The following MIB1 variants were observed in gnomAD, a reference collection of about 807,000 sequenced individuals.
The protein encoded by MIB1 is MIB E3 ubiquitin protein ligase 1, also known as E3 ubiquitin-protein ligase MIB1.
MIB1 carries 278 observed loss-of-function variants against 124.5 expected under a neutral mutation model. The ratio of observed to expected loss-of-function variants is 2.23; its 90% confidence interval spans 2.02 to 2.47. The LOEUF is 2.47. Among genes scored for constraint, MIB1 ranks in the 30% most tolerant of loss-of-function variants. The pLI, the probability that MIB1 is intolerant of heterozygous loss-of-function variation, is 0.00. For missense variants in MIB1, 957 were observed against 1,254.4 expected, an observed-to-expected ratio of 0.76 and a Z score of 3.58; for synonymous variants, 446 against 429.4, an observed-to-expected ratio of 1.04 and a Z score of -0.48.
Position 21,816,490 on chromosome 18 carries a change from CT to C in MIB1, c.1677+681del, listed in dbSNP as rs533084600. Among the ~76,000 whole-genome samples the C allele has an allele frequency of 2.0e-4, 30 of 152,264 alleles. No homozygotes were observed. In the South Asian group the frequency reaches 6.0e-3, roughly 30 times the overall value. On this transcript the variant is annotated intron_variant, in intron 11 of 20. Coordinates refer to ENST00000261537, the MANE Select transcript of MIB1 (RefSeq NM_020774.4). ...GTAGCTCCTGAATCTAATTTGCCAA[CT>C]TTTAGGTTCCTTAACCGAATAGGCT...
At position 21,741,924 on chromosome 18, in the gene MIB1, C is replaced by T; in HGVS notation, c.229+112C>T. 2 of 960,082 alleles carry T rather than the reference C, an allele frequency of 2.1e-6. No homozygotes were observed. Among genetic ancestry groups the T allele is most frequent in the South Asian group, 3.5e-5 (2 of 57,352 alleles). 59.5% of individuals were successfully genotyped at this position (960,082 alleles called of 1,614,324 possible). ...GCAGTGGGACACCTGGTGGGCAGCGCCCGGCTGGAGCGAGCGGAAAGGCAA... is the reference window on the plus strand; with the variant it reads ...GCAGTGGGACACCTGGTGGGCAGCGTCCGGCTGGAGCGAGCGGAAAGGCAA... On this transcript the variant is annotated intron_variant, in intron 1 of 20. Coordinates refer to ENST00000261537, the MANE Select transcript of MIB1 (RefSeq NM_020774.4). This position sits in a 1 kb window ranked among gnomAD's most constrained non-coding sequence, Gnocchi z 5.4.
chr18:21,842,488 T>C (rs2042100164), intron 13 of MIB1, among the ~76,000 whole-genome samples: 1 of 152,224 alleles, frequency 6.6e-6, no homozygotes, highest in Non-Finnish European at 1.5e-5. Flanking sequence ...AGTTTTGACC[T>C]AGGTCCCCTG....
chr18:21,775,359 C>A (rs1366514830), intron 4 of MIB1, among the ~76,000 whole-genome samples: 1 of 152,176 alleles, frequency 6.6e-6, no homozygotes, highest in Non-Finnish European at 1.5e-5. Flanking sequence ...CCCACCTCAA[C>A]CTCTGGAGTA....
intron 18 of MIB1, among the ~76,000 whole-genome samples, 178 bp downstream of exon 18, chr18:21,853,396 G>A (rs1045978546): frequency 1.3e-5 from 2 of 152,096 alleles, no homozygotes; most frequent in Non-Finnish European, 2.9e-5. Context: ...CCCTCCATGC[G>A]TCTGAGCATT....
intron 6 of MIB1, among the ~76,000 whole-genome samples, chr18:21,790,919 G>A (rs1354576173): frequency 1.3e-5 from 2 of 152,070 alleles, no homozygotes; most frequent in African/African-American, 4.8e-5. Flanking sequence ...TTATAAAAAG[G>A]AGGTGCTGGG....
At chr18:21,753,330 A>G (rs994195251) in intron 1 of MIB1, among the ~76,000 whole-genome samples, 15 of 151,960 alleles carry the variant, frequency 9.9e-5, no homozygotes, top group African/African-American at 2.4e-5. Flanking sequence ...CTGGGATTAC[A>G]GGTGCCTGCC....
At chr18:21,855,536 C>T (rs1480317356) in intron 18 of MIB1, among the ~76,000 whole-genome samples, 3 of 152,210 alleles carry the variant, frequency 2.0e-5, no homozygotes, top group Non-Finnish European at 2.9e-5. Context: ...AAATTGAAGA[C>T]AAATCCCAAA....
chr18:21,718,607 C>T (rs939537586), intron 1 of MIB1, among the ~76,000 whole-genome samples: 4 of 152,186 alleles, frequency 2.6e-5, no homozygotes, highest in Admixed American at 2.0e-4. Flanking sequence ...AGCCACCCTA[C>T]AAAAATCTGA....
intron 1 of MIB1, among the ~76,000 whole-genome samples, chr18:21,743,642 T>C (rs1207779197): frequency 2.0e-5 from 3 of 152,242 alleles, no homozygotes; most frequent in African/African-American, 7.2e-5. Flanking sequence ...TCTTTTTTTT[T>C]TTGAGACAGG....
intron 18 of MIB1, 45 bp downstream of exon 18, chr18:21,853,263 A>C (rs765362486): frequency 3.3e-5 from 46 of 1,382,326 alleles, no homozygotes; most frequent in Non-Finnish European, 1.4e-5. Context: ...ATAAAAATAG[A>C]AAGTGAAACA....
intron 1 of MIB1, among the ~76,000 whole-genome samples, chr18:21,709,102 G>T (rs767560260): frequency 2.0e-5 from 3 of 152,128 alleles, no homozygotes; most frequent in Non-Finnish European, 2.9e-5. Flanking sequence ...GGATCACGAG[G>T]TCAGGAGATC....
chr18:21,819,175 C>CTATA (rs1486027392), intron 11 of MIB1, among the ~76,000 whole-genome samples: 1 of 152,112 alleles, frequency 6.6e-6, no homozygotes, highest in Non-Finnish European at 1.5e-5. Flanking sequence ...GTACCTAGGA[C>CTATA]TATAGGTGCA....
intron 12 of MIB1, among the ~76,000 whole-genome samples, chr18:21,837,191 T>C (rs2042041185): frequency 6.6e-6 from 1 of 152,156 alleles, no homozygotes; most frequent in Non-Finnish European, 1.5e-5. Context: ...TCAGTATACT[T>C]TGGGTTCATA....
chr18:21,739,941 C>CA (rs962958874), upstream of MIB1, among the ~76,000 whole-genome samples: 7 of 150,548 alleles, frequency 4.6e-5, no homozygotes, highest in East Asian at 1.9e-4. Context: ...AAAACAACAA[C>CA]AAAAAAAACC....
At chr18:21,772,004 A>G (rs752386522) in intron 3 of MIB1, among the ~76,000 whole-genome samples, 4 of 152,170 alleles carry the variant, frequency 2.6e-5, no homozygotes, top group Non-Finnish European at 5.9e-5. Context: ...AAAAATTTAC[A>G]TATGCTGTAT....
chr18:21,727,058 G>C (rs1175861122), intron 1 of MIB1, among the ~76,000 whole-genome samples: 1 of 151,954 alleles, frequency 6.6e-6, no homozygotes, highest in Admixed American at 6.6e-5. Flanking sequence ...TATTCTCCAC[G>C]GCCCCATGCT....
rs1031790024 is a variant in MIB1, at chr18:21,779,362, C to A, written c.704-119C>A. ...TTATACTTATAGGGAATTCTCAAGA[C>A]CTTTTAAAACTAGATGGTACCTGAA... On this transcript the variant is annotated intron_variant, in intron 5 of 20. Coordinates refer to ENST00000261537, the MANE Select transcript of MIB1 (RefSeq NM_020774.4). 4 of 764,902 alleles carry A rather than the reference C, an allele frequency of 5.2e-6. No homozygotes were observed. In the African/African-American group the frequency reaches 7.0e-5, roughly 13 times the overall value. The allele number at this position is 764,902 out of a possible 1,614,324, so 47.4% of individuals were successfully genotyped here.
intron 10 of MIB1, among the ~76,000 whole-genome samples, chr18:21,807,841 A>G (rs1172994807): frequency 6.6e-6 from 1 of 152,130 alleles, no homozygotes; most frequent in Non-Finnish European, 1.5e-5. Context: ...CAACTTTTTT[A>G]TCATTGGAAA....
intron 4 of MIB1, among the ~76,000 whole-genome samples, chr18:21,777,171 C>G (rs1009089520): frequency 9.2e-5 from 14 of 152,068 alleles, no homozygotes; most frequent in Admixed American, 9.2e-4. Flanking sequence ...GTAATCCCAG[C>G]ACTTTGGGAG....
Sources: gnomAD v4.1 joint callset for allele counts (sites outside exome capture counted in the v4.1 genomes callset) on GRCh38, gnomAD v4.1.1 for gene constraint, Gnocchi (gnomAD v3.1) non-coding constraint, MANE v1.5 for transcripts, NCBI Gene and HGNC (gene_info 2026-07-23, HGNC 2026-07-21) for gene names.